The following HNRNPUL1 variants were observed in gnomAD, a reference collection of about 807,000 sequenced individuals.
HNRNPUL1 encodes heterogeneous nuclear ribonucleoprotein U-like protein 1.
In HNRNPUL1, 14 loss-of-function variants were observed where a neutral mutation model predicts 108.5. The observed-to-expected ratio is 0.13, with a 90% confidence interval of 0.09 to 0.20. HNRNPUL1 has a LOEUF of 0.20. Among genes scored for constraint, HNRNPUL1 ranks in the 10% least tolerant of loss-of-function variants. HNRNPUL1 has a pLI of 1.00. For missense variants in HNRNPUL1, 804 were observed against 1,168.3 expected, an observed-to-expected ratio of 0.69 and a Z score of 4.55; for synonymous variants, 422 against 445.2, an observed-to-expected ratio of 0.95 and a Z score of 0.66.
chr19:41,285,578 A>C (rs1349832177), intron 7 of HNRNPUL1, among the ~76,000 whole-genome samples: 1 of 152,138 alleles, frequency 6.6e-6, no homozygotes, highest in Non-Finnish European at 1.5e-5. Flanking sequence ...CCTCAACACC[A>C]GTTGCCAGTC....
chr19:41,279,298 A>G, intron 6 of HNRNPUL1, 122 bp downstream of exon 6: 1 of 677,564 alleles, frequency 1.5e-6, no homozygotes, highest in East Asian at 2.6e-5. Flanking sequence ...CTGAAGTGGA[A>G]CAGGTACAAG....
rs2034674742 is a variant in HNRNPUL1, at chr19:41,264,415, C to T, written c.-89C>T. On this transcript the variant is annotated 5_prime_UTR_variant, in exon 1 of 15. Transcript: ENST00000392006. ...CATTGGAGTGGGCCCCCCCCCTTTC[C>T]CCCTTCGCCTCCTGACAGGAAAGGT... 5.2e-6 allele frequency: 6 copies of T among 1,143,640 alleles called. No individual in the cohort carries two copies. In the East Asian group the frequency reaches 1.3e-4, roughly 24 times the overall value. The allele number at this position is 1,143,640 out of a possible 1,614,324, so 70.8% of individuals were successfully genotyped here. A position where few individuals can be genotyped will look rare whatever the true frequency, so the allele number is the denominator to read the frequency against.
chr19:41,292,943 C>G lies in HNRNPUL1; in HGVS notation c.1266+432C>G, dbSNP rs1000104818. Among the ~76,000 whole-genome samples, 2 of 152,014 alleles carry G rather than the reference C, an allele frequency of 1.3e-5. No individual in the cohort carries two copies. The highest frequency in any genetic ancestry group is 1.3e-4 in the Admixed American group (2 of 15,262). Reference sequence around the variant, plus strand: ...TACTGCAGCCTTGACCTTCCAGGCTCAAGTGATCCTCCCACCTCAGCTTCT... The same window carrying G: ...TACTGCAGCCTTGACCTTCCAGGCTGAAGTGATCCTCCCACCTCAGCTTCT... On this transcript the variant is annotated intron_variant, in intron 8 of 14. Transcript: ENST00000392006. This position sits in a 1 kb window ranked among gnomAD's most constrained non-coding sequence, Gnocchi z 4.1.
intron 5 of HNRNPUL1, among the ~76,000 whole-genome samples, chr19:41,277,148 C>G (rs149770498): frequency 5.3e-5 from 8 of 151,952 alleles, no homozygotes; most frequent in Non-Finnish European, 1.2e-4. Context: ...AGGTTATTCT[C>G]ATGTCCTCTC....
chr19:41,302,568 C>T, intron 11 of HNRNPUL1, 97 bp from the exon 12 acceptor site: 1 of 1,459,300 alleles, frequency 6.9e-7, no homozygotes, highest in Admixed American at 1.7e-5. Flanking sequence ...TCACCTTCTC[C>T]CTTCTGGAAG....
At chr19:41,284,986 A>T (rs2122704370) in intron 7 of HNRNPUL1, among the ~76,000 whole-genome samples, 1 of 141,948 alleles carries the variant, frequency 7.0e-6, no homozygotes, top group South Asian at 2.3e-4. Flanking sequence ...ACAGAGCAAG[A>T]CTCTGTCTCA....
chr19:41,288,443 C>T (rs891014224), intron 7 of HNRNPUL1, among the ~76,000 whole-genome samples: 7 of 152,088 alleles, frequency 4.6e-5, no homozygotes, highest in African/African-American at 9.6e-5. Context: ...AGGGTTTCAC[C>T]ATGTTGGTCA....
chr19:41,302,585 C>T (rs773018259), intron 11 of HNRNPUL1, 80 bp from the exon 12 acceptor site: 28 of 1,561,230 alleles, frequency 1.8e-5, no homozygotes, highest in Non-Finnish European at 2.5e-5. Context: ...GAAGGCCACT[C>T]TTCTGGGTGG....
At chr19:41,265,055 TCCGTA>T in intron 1 of HNRNPUL1, 1 of 1,405,878 alleles carries the variant, frequency 7.1e-7, no homozygotes, top group Non-Finnish European at 9.2e-7. Flanking sequence ...CGGGGAGGAT[TCCGTA>T]CCGTAGGGAT....
chr19:41,264,724 G>A lies in HNRNPUL1; in HGVS notation c.221G>A (p.Gly74Glu). The A allele has an allele frequency of 6.9e-7, 1 of 1,441,768 alleles. No individual in the cohort carries two copies. Among genetic ancestry groups the A allele is most frequent in the Non-Finnish European group, 9.1e-7 (1 of 1,101,216 alleles). The allele number at this position is 1,441,768 out of a possible 1,614,324, so 89.3% of individuals were successfully genotyped here. A position where few individuals can be genotyped will look rare whatever the true frequency, so the allele number is the denominator to read the frequency against. The change falls in exon 1 of 15, where the codon GGG becomes GAG. Residue 74 changes from glycine (G) to glutamate (E), a missense_variant. Around this residue, in one of 4 missense-constraint regions of HNRNPUL1, gnomAD observed 256 missense variants for 261.6 expected, o/e 0.98. Transcript: ENST00000392006. Reference protein sequence around the residue: ...VETEGGSELEGTAQPPPPGLQ... With the variant: ...VETEGGSELEETAQPPPPGLQ... ...ACCGAGGGGGGCTCCGAGCTGGAGGGGACCGCGCAGCCACCGCCGCCCGGG... is the reference window on the plus strand; with the variant it reads ...ACCGAGGGGGGCTCCGAGCTGGAGGAGACCGCGCAGCCACCGCCGCCCGGG...
At chr19:41,279,816 C>T (rs1477095259) in intron 6 of HNRNPUL1, among the ~76,000 whole-genome samples, 1 of 152,208 alleles carries the variant, frequency 6.6e-6, no homozygotes, top group African/African-American at 2.4e-5. Flanking sequence ...CTTCCTAAAC[C>T]TGTGAGAGAA....
At chr19:41,271,469 T>C (rs888045111) in intron 2 of HNRNPUL1, among the ~76,000 whole-genome samples, 1 of 151,994 alleles carries the variant, frequency 6.6e-6, no homozygotes, top group Admixed American at 6.6e-5. Flanking sequence ...TCCAAAATGG[T>C]CTGGGGTTGA....
At position 41,291,310 on chromosome 19, in the gene HNRNPUL1, C is replaced by T. The variant is rs1156434820; in HGVS notation, c.1000-935C>T. ...TGTCCTTGTCTCATTCCCCACTGGT[C>T]GCTAAGCTCTGTCGGTCCCAGATTA... On this transcript the variant is annotated intron_variant, in intron 7 of 14. Coordinates refer to ENST00000392006, the MANE Select transcript of HNRNPUL1 (RefSeq NM_007040.6). Among the ~76,000 whole-genome samples the T allele has an allele frequency of 2.6e-5, 4 of 152,268 alleles. No individual in the cohort carries two copies. The South Asian group carries it at 8.3e-4, about 32-fold the overall frequency.
chr19:41,265,830 C>T (rs1329811447), intron 1 of HNRNPUL1, among the ~76,000 whole-genome samples: 2 of 150,990 alleles, frequency 1.3e-5, no homozygotes, highest in African/African-American at 4.9e-5. Flanking sequence ...CACAGGAGTA[C>T]GTATCTGGCT....
chr19:41,282,305 CCTG>C (rs2035942481), intron 7 of HNRNPUL1, among the ~76,000 whole-genome samples: 1 of 152,124 alleles, frequency 6.6e-6, no homozygotes, highest in Non-Finnish European at 1.5e-5. Flanking sequence ...GCCTCAGCCC[CCTG>C]AGTAGCTGGG....
chr19:41,278,004 G>A (rs1355908288), intron 5 of HNRNPUL1, among the ~76,000 whole-genome samples: 1 of 149,320 alleles, frequency 6.7e-6, no homozygotes, highest in Non-Finnish European at 1.5e-5. Flanking sequence ...TTCCATAGCA[G>A]TACATTAGCC....
At position 41,304,389 on chromosome 19, in the gene HNRNPUL1, A is replaced by T. The variant is rs567559798; in HGVS notation, c.2262+128A>T. 10 of 1,455,624 alleles carry T rather than the reference A, an allele frequency of 6.9e-6. No individual in the cohort carries two copies. In the East Asian group the frequency reaches 2.5e-4, roughly 36 times the overall value. The allele number at this position is 1,455,624 out of a possible 1,614,324, so 90.2% of individuals were successfully genotyped here. A position where few individuals can be genotyped will look rare whatever the true frequency, so the allele number is the denominator to read the frequency against. ...GCTACTGGTCTTCACTCTAACCTCT[A>T]GCCTGCCCTTCTTTCTCCCTGGCCG... is the stretch of plus-strand genomic sequence containing the variant. On this transcript the variant is annotated intron_variant, in intron 13 of 14. Transcript: ENST00000392006.
Position 41,294,267 on chromosome 19 carries a change from TCA to T in HNRNPUL1, c.1267-68_1267-67del. The T allele has an allele frequency of 6.3e-7, 1 of 1,576,704 alleles. No homozygotes were observed. The highest frequency in any genetic ancestry group is 1.1e-5 in the South Asian group (1 of 87,084). On this transcript the variant is annotated intron_variant, in intron 8 of 14. Transcript: ENST00000392006. The surrounding 1 kb of genome is among the most constrained non-coding windows in gnomAD (Gnocchi z 4.3). ...ACAGCTCAGAGGTCCAGAGTCACAC[TCA>T]CAGTCACCACCGAGCCAAGTGGTGC... is the stretch of plus-strand genomic sequence containing the variant.
chr19:41,305,813 G>A lies in HNRNPUL1; in HGVS notation c.2400G>A (p.Pro800=), dbSNP rs201558107. The change falls in exon 14 of 15, where the codon CCG becomes CCA. Residue 800 remains proline, a synonymous_variant. Coordinates refer to ENST00000392006, the MANE Select transcript of HNRNPUL1 (RefSeq NM_007040.6). ...GGYNPAPYTP[P]PPPTAQTYPQ... is the part of the protein sequence containing the mutation. ...ACAACCCGGCCCCCTATACCCCACC[G>A]CCACCCCCCACTGCACAGACCTACC... 1,117 of 1,237,862 alleles carry A rather than the reference G, an allele frequency of 9.0e-4. 11 individuals are homozygous for A. Among genetic ancestry groups the A allele is most frequent in the Admixed American group, 2.3e-4 (12 of 52,642 alleles). The allele number at this position is 1,237,862 out of a possible 1,614,324, so 76.7% of individuals were successfully genotyped here. A position where few individuals can be genotyped will look rare whatever the true frequency, so the allele number is the denominator to read the frequency against.
Sources: allele counts gnomAD v4.1 joint callset (sites outside exome capture counted in the v4.1 genomes callset), GRCh38; gene constraint gnomAD v4.1.1; regional missense constraint gnomAD v4.1.1; non-coding constraint Gnocchi (gnomAD v3.1); transcripts MANE v1.5; gene names NCBI Gene and HGNC (gene_info 2026-07-23, HGNC 2026-07-21).